Variants in TJP1 observed in about 807,000 individuals in gnomAD.
TJP1 encodes tight junction protein 1.
In TJP1, 43 loss-of-function variants were observed where a neutral mutation model predicts 194.2. That is an observed-to-expected ratio of 0.22 (90% confidence interval 0.17 to 0.29). The LOEUF is 0.29. Among genes scored for constraint, TJP1 ranks in the 10% least tolerant of loss-of-function variants. The pLI, the probability that TJP1 is intolerant of heterozygous loss-of-function variation, is 1.00. For synonymous variants in TJP1, 801 were observed against 779.0 expected (o/e 1.03, Z -0.47); for missense variants, 1,971 against 2,185.7 (o/e 0.90, Z 1.96).
At chr15:29,866,887 C>A (rs117371578) in intron 2 of TJP1, among the ~76,000 whole-genome samples, 2 of 152,286 alleles carry the variant, frequency 1.3e-5, no homozygotes, top group Middle Eastern at 6.8e-3. Context: ...AGGAAGACAG[C>A]GGGATGGCCC....
chr15:29,755,356 G>A (rs2045577134), intron 8 of TJP1, among the ~76,000 whole-genome samples: 1 of 152,138 alleles, frequency 6.6e-6, no homozygotes. Context: ...TGTTTATTTG[G>A]ACTTACTCAG....
chr15:29,835,433 G>T (rs1437256654), intron 2 of TJP1, among the ~76,000 whole-genome samples: 2 of 152,130 alleles, frequency 1.3e-5, no homozygotes, highest in African/African-American at 2.4e-5. Flanking sequence ...CCTGTCTCTG[G>T]ATTGTTTGGA....
intron 2 of TJP1, among the ~76,000 whole-genome samples, chr15:29,883,441 G>A (rs963639751): frequency 2.0e-5 from 3 of 152,170 alleles, no homozygotes; most frequent in African/African-American, 7.2e-5. Flanking sequence ...CTCAGTTGGA[G>A]GTTAAATTTC....
intron 2 of TJP1, among the ~76,000 whole-genome samples, chr15:29,867,318 G>A (rs964366665): frequency 7.2e-5 from 11 of 152,086 alleles, no homozygotes; most frequent in African/African-American, 2.4e-4. Context: ...AATTATTTAT[G>A]GTTTTGATAA....
chr15:29,766,825 C>T (rs1257751591), intron 4 of TJP1, among the ~76,000 whole-genome samples: 1 of 152,174 alleles, frequency 6.6e-6, no homozygotes, highest in African/African-American at 2.4e-5. Context: ...GTAATAATCA[C>T]AAGCTTACAG....
At position 29,701,644 on chromosome 15, in the gene TJP1, T is replaced by C; in HGVS notation, c.5258A>G (p.Asn1753Ser). ...WQNKCLPGDP[N>S]YLVGANCVSV... is the part of the protein sequence containing the mutation. ...AACACAGTTTGCTCCAACGAGATAATTTGGATCTCCGGGAAGACACTTGTT... is the reference window on the plus strand; with the variant it reads ...AACACAGTTTGCTCCAACGAGATAACTTGGATCTCCGGGAAGACACTTGTT... Residue 1753 changes from asparagine to serine, a missense_variant, in exon 28 of 28, where the codon AAT becomes AGT. By Grantham distance (46) the Asn-to-Ser change is conservative (BLOSUM62 1). Transcript: ENST00000614355. 6.2e-7 allele frequency: 1 copy of C among 1,614,164 alleles called. No homozygotes were observed. The highest frequency in any genetic ancestry group is 8.5e-7 in the Non-Finnish European group (1 of 1,180,006).
chr15:29,758,430 A>AG (rs960776637), intron 8 of TJP1, among the ~76,000 whole-genome samples: 7 of 152,164 alleles, frequency 4.6e-5, no homozygotes, highest in African/African-American at 1.7e-4. Context: ...TAGTAATTTT[A>AG]GGGGGGAAAA....
intron 2 of TJP1, among the ~76,000 whole-genome samples, chr15:29,879,048 TG>T (rs1384484616): frequency 6.6e-6 from 1 of 152,032 alleles, no homozygotes; most frequent in Non-Finnish European, 1.5e-5. Flanking sequence ...CGCTTGAACC[TG>T]GGAGGCAGAG....
chr15:29,766,384 C>G lies in TJP1; in HGVS notation c.471G>C (p.Arg157Ser), dbSNP rs2046332965. Residue 157 changes from arginine (R) to serine (S), a missense_variant, in exon 5 of 28, where the codon AGG becomes AGC. By Grantham distance (110) the Arg-to-Ser change is moderately radical. Around this residue, in one of 5 missense-constraint regions of TJP1, gnomAD observed 245 missense variants for 336.6 expected, o/e 0.73. Coordinates refer to ENST00000614355, the MANE Select transcript of TJP1 (RefSeq NM_001330239.4). ...TCCTCTCTCTACTTGCACTTCTATC[C>G]CTCGGCCAAATCTTCTCACTCCTTC... ...VNRRSEKIWP[R>S]DRSASRERSL... The G allele has an allele frequency of 3.7e-6, 6 of 1,614,052 alleles. No homozygotes were observed. The highest frequency in any genetic ancestry group is 2.5e-6 in the Non-Finnish European group (3 of 1,180,050).
chr15:29,853,206 TTTTAAAAATGGAGGATAG>T (rs1379569677), intron 2 of TJP1, among the ~76,000 whole-genome samples: 2 of 152,196 alleles, frequency 1.3e-5, no homozygotes, highest in Non-Finnish European at 2.9e-5. Context: ...AGTGATAACA[TTTTAAAAATGGAGGATAG>T]ATCAGTTCTT....
chr15:29,736,001 T>C (rs1035266877), intron 11 of TJP1, among the ~76,000 whole-genome samples: 3 of 151,908 alleles, frequency 2.0e-5, no homozygotes, highest in Admixed American at 1.3e-4. Flanking sequence ...ACCAACATTC[T>C]CCAAGTTTTA....
At chr15:29,924,255 AG>A (rs1210784182) in intron 2 of TJP1, among the ~76,000 whole-genome samples, 1 of 152,140 alleles carries the variant, frequency 6.6e-6, no homozygotes, top group Non-Finnish European at 1.5e-5. Context: ...TTGTAGAGAC[AG>A]GGTTTTGCCA....
chr15:29,712,031 C>T (rs2042274522), intron 23 of TJP1, among the ~76,000 whole-genome samples: 1 of 152,136 alleles, frequency 6.6e-6, no homozygotes, highest in African/African-American at 2.4e-5. Context: ...TTTATTTTTT[C>T]AGATTGCCAA....
chr15:29,961,133 C>T (rs1456753761), intron 1 of TJP1, among the ~76,000 whole-genome samples: 2 of 152,084 alleles, frequency 1.3e-5, no homozygotes, highest in Admixed American at 1.3e-4. Flanking sequence ...TTCCATTTGA[C>T]ATGGAATATA....
At chr15:29,910,111 T>C (rs1394061285) in intron 2 of TJP1, among the ~76,000 whole-genome samples, 3 of 152,112 alleles carry the variant, frequency 2.0e-5, no homozygotes, top group East Asian at 1.9e-4. Context: ...TCTGGAAAAA[T>C]AGTTTGAACT....
rs930441041 is a variant in TJP1, at chr15:29,732,201, G to C, written c.2017+232C>G. On this transcript the variant is annotated intron_variant, in intron 15 of 27. Transcript: ENST00000614355. ...AGGATTCAATGACATTGTATGTTAT[G>C]CAATTTTCATATGAAGCCAAGAGTT... The C allele has an allele frequency of 5.6e-6, 3 of 531,962 alleles. No individual in the cohort carries two copies. In the East Asian group the frequency reaches 9.6e-5, roughly 17 times the overall value. The allele number at this position is 531,962 out of a possible 1,614,324, so 33.0% of individuals were successfully genotyped here. A position where few individuals can be genotyped will look rare whatever the true frequency, so the allele number is the denominator to read the frequency against.
At chr15:29,968,923 C>A (rs1206459867), upstream of TJP1, 1 of 203,802 alleles carries the variant, frequency 4.9e-6, no homozygotes, top group Non-Finnish European at 8.5e-6. Flanking sequence ...CGTGCGTGGC[C>A]CGGGCTCCCG....
chr15:29,712,895 C>A (rs1381134941), intron 23 of TJP1, among the ~76,000 whole-genome samples: 1 of 151,792 alleles, frequency 6.6e-6, no homozygotes, highest in Non-Finnish European at 1.5e-5. Context: ...CTACATTGAG[C>A]CCCTGGGAGG....
intron 6 of TJP1, 104 bp downstream of exon 6, chr15:29,762,231 A>T: frequency 1.1e-6 from 1 of 889,920 alleles, no homozygotes; most frequent in Non-Finnish European, 1.7e-6. Flanking sequence ...ACTGATTTTT[A>T]ATTCTCTTTG....
Sources: allele counts gnomAD v4.1 joint callset (sites outside exome capture counted in the v4.1 genomes callset), GRCh38; gene constraint gnomAD v4.1.1; regional missense constraint gnomAD v4.1.1; transcripts MANE v1.5; gene names NCBI Gene and HGNC (gene_info 2026-07-23, HGNC 2026-07-21).